The following IRF3 variants were observed in gnomAD, a reference collection of about 807,000 sequenced individuals.
IRF3 encodes interferon regulatory factor 3.
Under a neutral mutation model 43.2 loss-of-function variants are expected in IRF3, and 29 were observed. The observed-to-expected ratio is 0.67, with a 90% CI of 0.50 to 0.91. The LOEUF (loss-of-function observed/expected upper bound fraction) is 0.91. Among genes scored for constraint, IRF3 ranks in the 40% least tolerant of loss-of-function variants. The pLI is 0.00. For missense variants in IRF3, 505 were observed against 559.1 expected, an observed-to-expected ratio of 0.90 and a Z score of 0.98; for synonymous variants, 228 against 233.9, an observed-to-expected ratio of 0.97 and a Z score of 0.23.
chr19:49,661,038 C>T (rs1454883388), intron 6 of IRF3: 11 of 576,712 alleles, frequency 1.9e-5, no homozygotes, highest in Non-Finnish European at 2.4e-5. Flanking sequence ...ACCCCCAAGC[C>T]CCCAAGCCTC....
rs1599860587 is a variant in IRF3 at position 49,662,555 on chromosome 19, G to A, written c.471C>T (p.Pro157=). 1 of 1,530,226 alleles carries A rather than the reference G, an allele frequency of 6.5e-7. No individual in the cohort carries two copies. The highest frequency in any genetic ancestry group is 8.7e-7 in the Non-Finnish European group (1 of 1,143,190). The allele number at this position is 1,530,226 out of a possible 1,614,324, so 94.8% of individuals were successfully genotyped here. A position where few individuals can be genotyped will look rare whatever the true frequency, so the allele number is the denominator to read the frequency against. Residue 157 remains proline, a synonymous_variant, in exon 5 of 8, where the codon CCC becomes CCT. Transcript: ENST00000377139. ...GCTCAGGGGCTACAGCCAGGCTTGG[G>A]GGTCCCGGATCTGGGAGTGGGGCCA... ...MVLAPLPDPG[P]PSLAVAPEPC... is the part of the protein sequence containing the mutation.
chr19:49,661,030 C>A (rs1413785869), intron 6 of IRF3: 1 of 577,564 alleles, frequency 1.7e-6, no homozygotes, highest in African/African-American at 1.9e-5. Context: ...AAGGCCACAC[C>A]CCCAAGCCCC....
rs1221975449 is a variant in IRF3 at position 49,665,674 on chromosome 19, C to G, written c.-52G>C. On this transcript the variant is annotated 5_prime_UTR_variant, in exon 1 of 8. Coordinates refer to ENST00000377139, the MANE Select transcript of IRF3 (RefSeq NM_001571.6). ...GCGTGCGGGCAGCTGGAACCCACCCCTGTCTTGGAGCTCCGGGTAGCTCTC... is the reference window on the plus strand; with the variant it reads ...GCGTGCGGGCAGCTGGAACCCACCCGTGTCTTGGAGCTCCGGGTAGCTCTC... 3.6e-6 allele frequency: 4 copies of G among 1,102,712 alleles called. No individual in the cohort carries two copies. Among genetic ancestry groups the G allele is most frequent in the Admixed American group, 2.6e-5 (1 of 38,788 alleles). The allele number at this position is 1,102,712 out of a possible 1,614,324, so 68.3% of individuals were successfully genotyped here.
At chr19:49,663,542 G>C (rs757372215) in intron 2 of IRF3, 28 bp from the exon 3 acceptor site, 3 of 1,610,968 alleles carry the variant, frequency 1.9e-6, no homozygotes, top group Admixed American at 1.7e-5. Context: ...TCAGGATGGT[G>C]GGGGAGGACG....
At chr19:49,662,765 T>C in intron 4 of IRF3, 148 bp from the exon 5 acceptor site, 1 of 674,758 alleles carries the variant, frequency 1.5e-6, no homozygotes, top group Non-Finnish European at 2.5e-6. Context: ...GAGCCAGCCA[T>C]GGCATCAACA....
rs978180939 is a variant in IRF3 at position 49,663,223 on chromosome 19, C to T, written c.373G>A (p.Asp125Asn). Residue 125 changes from aspartate to asparagine, a missense_variant, in exon 4 of 8, where the codon GAC becomes AAC. Coordinates refer to ENST00000377139, the MANE Select transcript of IRF3 (RefSeq NM_001571.6). Reference sequence around the variant, plus strand: ...GAAGTACTGCCTCCACCATTGGTGTCCGGAGAGGTGTCTGGCTGGGAAAAG... The same window carrying T: ...GAAGTACTGCCTCCACCATTGGTGTTCGGAGAGGTGTCTGGCTGGGAAAAG... Reference protein sequence around the residue: ...GDFSQPDTSPDTNGGGSTSDT... With the variant: ...GDFSQPDTSPNTNGGGSTSDT... 10 of 1,613,974 alleles carry T rather than the reference C, an allele frequency of 6.2e-6. No individual in the cohort carries two copies. In the African/African-American group the frequency reaches 1.2e-4, roughly 19 times the overall value.
chr19:49,660,466 T>C (rs567111663), intron 7 of IRF3, among the ~76,000 whole-genome samples: 2 of 152,166 alleles, frequency 1.3e-5, no homozygotes, highest in African/African-American at 4.8e-5. Context: ...TCCGTGGAAA[T>C]ATTATCTTCC....
At chr19:49,660,000 C>T (rs4011540) in intron 7 of IRF3, among the ~76,000 whole-genome samples, 167 bp from the exon 8 acceptor site, 4,684 of 91,262 alleles carry the variant, frequency 0.051, 263 homozygotes, top group African/African-American at 0.16. Flanking sequence ...CACACACACA[C>T]ACACACACAC....
intron 1 of IRF3, chr19:49,665,144 G>GT (rs2081612015): frequency 2.8e-6 from 1 of 354,952 alleles, no homozygotes; most frequent in South Asian, 4.3e-5. Flanking sequence ...ATCATCGAAA[G>GT]TAAGTATCCC....
chr19:49,663,607 C>G, intron 2 of IRF3, 93 bp from the exon 3 acceptor site: 5 of 1,248,016 alleles, frequency 4.0e-6, no homozygotes, highest in Non-Finnish European at 5.6e-6. Flanking sequence ...TAACACCACC[C>G]TCTTTCCCTG....
At chr19:49,661,885 G>T in intron 6 of IRF3, 63 bp downstream of exon 6, 4 of 1,529,878 alleles carry the variant, frequency 2.6e-6, no homozygotes, top group Non-Finnish European at 3.5e-6. Flanking sequence ...GGCCAATCCT[G>T]AGTTGTTAAC....
chr19:49,660,947 C>T, intron 6 of IRF3, 119 bp from the exon 7 acceptor site: 6 of 1,178,764 alleles, frequency 5.1e-6, no homozygotes, highest in Non-Finnish European at 7.0e-6. Flanking sequence ...CTGCCTCGAC[C>T]AGGGGACTGC....
At chr19:49,662,361 AG>A in intron 5 of IRF3, 33 bp from the exon 6 acceptor site, 1 of 1,608,348 alleles carries the variant, frequency 6.2e-7, no homozygotes, top group Non-Finnish European at 8.5e-7. Flanking sequence ...TGAAGGGGAG[AG>A]GGGTTGAGAA....
At chr19:49,661,777 C>T (rs1323378558) in intron 6 of IRF3, 171 bp downstream of exon 6, 1 of 745,248 alleles carries the variant, frequency 1.3e-6, no homozygotes, top group African/African-American at 1.8e-5. Context: ...GATGGGGTTT[C>T]ACTATGTTGA....
At chr19:49,660,997 T>A in intron 6 of IRF3, 169 bp from the exon 7 acceptor site, 1 of 663,854 alleles carries the variant, frequency 1.5e-6, no homozygotes, top group South Asian at 2.0e-5. Context: ...CCTCCCTCCC[T>A]CCCATCAGGG....
chr19:49,663,711 T>A (rs2122678364), intron 2 of IRF3, 197 bp from the exon 3 acceptor site: 1 of 587,148 alleles, frequency 1.7e-6, no homozygotes, highest in Admixed American at 3.1e-5. Context: ...TTTTTTCTTT[T>A]TGAGATGGAG....
Position 49,665,811 on chromosome 19 carries a change from G to C in IRF3, c.-189C>G. ...CAACTTTATCATTCTTTGGGTAACA[G>C]ACCCAAAAGCCGATGGGACGGCCCG... On this transcript the variant is annotated 5_prime_UTR_variant, in exon 1 of 8. Coordinates refer to ENST00000377139, the MANE Select transcript of IRF3 (RefSeq NM_001571.6). 1.9e-6 allele frequency: 3 copies of C among 1,579,862 alleles called. No individual in the cohort carries two copies. The highest frequency in any genetic ancestry group is 2.6e-6 in the Non-Finnish European group (3 of 1,156,080).
chr19:49,659,687 C>T lies in IRF3; in HGVS notation c.1245G>A (p.Leu415=), dbSNP rs1168937641. The change falls in exon 8 of 8, where the codon TTG becomes TTA. Residue 415 remains leucine, a synonymous_variant. Transcript: ENST00000377139. ...GGCCCTGGAAATCCATGCCCTCCAC[C>T]AAGTCCTGCAGGTAGGCCTTGTACT... ...SDQYKAYLQD[L]VEGMDFQGPG... The T allele has an allele frequency of 1.2e-6, 2 of 1,613,730 alleles. No homozygotes were observed. The highest frequency in any genetic ancestry group is 1.7e-6 in the Non-Finnish European group (2 of 1,179,852).
chr19:49,663,219 G>A lies in IRF3; in HGVS notation c.377C>T (p.Thr126Ile). 3 of 1,614,126 alleles carry A rather than the reference G, an allele frequency of 1.9e-6. No homozygotes were observed. The highest frequency in any genetic ancestry group is 2.5e-6 in the Non-Finnish European group (3 of 1,180,004). The change falls in exon 4 of 8, where the codon ACC becomes ATC. Residue 126 changes from threonine to isoleucine, a missense_variant. Physicochemically the swap from Thr to Ile is moderately conservative, Grantham distance 89. Coordinates refer to ENST00000377139, the MANE Select transcript of IRF3 (RefSeq NM_001571.6). ...ATCAGAAGTACTGCCTCCACCATTG[G>A]TGTCCGGAGAGGTGTCTGGCTGGGA... ...DFSQPDTSPD[T>I]NGGGSTSDTQ... is the part of the protein sequence containing the mutation.
Sources: allele counts gnomAD v4.1 joint callset (sites outside exome capture counted in the v4.1 genomes callset), GRCh38; gene constraint gnomAD v4.1.1; transcripts MANE v1.5; gene names NCBI Gene and HGNC (gene_info 2026-07-23, HGNC 2026-07-21).